The following SUMF1 variants were observed in gnomAD, a reference collection of about 807,000 sequenced individuals.
SUMF1 encodes formylglycine-generating enzyme.
Under a neutral mutation model 47.6 loss-of-function variants are expected in SUMF1, and 48 were observed. The observed-to-expected ratio is 1.01, with a 90% confidence interval of 0.80 to 1.28. SUMF1 has a LOEUF of 1.28. SUMF1 is among the 50% of genes most tolerant of loss of function. The pLI is 0.00. For synonymous variants in SUMF1, 230 were observed against 192.1 expected, an observed-to-expected ratio of 1.20 and a Z score of -1.63; for missense variants, 571 against 485.4, an observed-to-expected ratio of 1.18 and a Z score of -1.66.
chr3:4,286,627 A>T (rs935603061), intron 8 of SUMF1, among the ~76,000 whole-genome samples: 4 of 152,318 alleles, frequency 2.6e-5, no homozygotes, highest in Admixed American at 6.5e-5. Context: ...GAGAAAATGC[A>T]ATCATTAATG....
chr3:4,413,703 C>T (rs900676789), intron 6 of SUMF1, among the ~76,000 whole-genome samples: 21 of 151,908 alleles, frequency 1.4e-4, no homozygotes, highest in African/African-American at 4.6e-4. Flanking sequence ...TCTTTAGTCT[C>T]ACTGTGGTCA....
At chr3:4,373,642 C>T (rs1464447844) in intron 8 of SUMF1, among the ~76,000 whole-genome samples, 1 of 141,340 alleles carries the variant, frequency 7.1e-6, no homozygotes, top group African/African-American at 2.6e-5. Flanking sequence ...AATAATAACA[C>T]TAATTCTACA....
rs1267895702 is a variant in SUMF1, at chr3:4,395,761, T to C, written c.954+15104A>G. On this transcript the variant is annotated intron_variant, in intron 7 of 8. Coordinates refer to ENST00000272902, the MANE Select transcript of SUMF1 (RefSeq NM_182760.4). Reference sequence around the variant, plus strand: ...TGCTTATACCACGGTGGCTCCTGATTTTCCAATAATATAAGTCACTTTCAG... The same window carrying C: ...TGCTTATACCACGGTGGCTCCTGATCTTCCAATAATATAAGTCACTTTCAG... Among the ~76,000 whole-genome samples, 18 of 151,644 alleles carry C rather than the reference T, an allele frequency of 1.2e-4. No individual in the cohort carries two copies. The East Asian group carries it at 3.3e-3, about 28-fold the overall frequency.
chr3:4,350,944 G>GAA lies in SUMF1; in HGVS notation c.1014+25384_1014+25385dup, dbSNP rs201910548. ...AGAGATCATTTGTACAACAAAAAAA[G>GAA]AAAAAAAAAAATCAAACCAATACAA... is the stretch of plus-strand genomic sequence containing the variant. On this transcript the variant is annotated intron_variant and NMD_transcript_variant, in intron 8 of 12. Transcript: ENST00000448413. 1.3e-3 allele frequency among the ~76,000 whole-genome samples: 185 copies of GAA among 143,876 alleles called. 3 individuals carry two copies. The South Asian group carries it at 0.037, about 29-fold the overall frequency. The allele number at this position is 143,876 out of a possible 152,430, so 94.4% of individuals were successfully genotyped here.
chr3:4,132,145 A>G (rs1480989814), intron 8 of SUMF1, among the ~76,000 whole-genome samples: 1 of 152,144 alleles, frequency 6.6e-6, no homozygotes, highest in Admixed American at 6.6e-5. Context: ...TACTCCGGAT[A>G]TAGATATGAG....
intron 8 of SUMF1, among the ~76,000 whole-genome samples, chr3:4,073,753 T>C (rs1156391172): frequency 6.6e-6 from 1 of 152,152 alleles, no homozygotes; most frequent in Admixed American, 6.5e-5. Flanking sequence ...GGCCATTATA[T>C]AATGGTAAAG....
Position 4,125,754 on chromosome 3 carries a change from G to A in SUMF1, c.1015-57009C>T, listed in dbSNP as rs112067368. ...CGGTGGCATGCTCACGGCTCACTGCGGCCTTGACTTCCTGGGCTCAAGCAA... is the reference window on the plus strand; with the variant it reads ...CGGTGGCATGCTCACGGCTCACTGCAGCCTTGACTTCCTGGGCTCAAGCAA... On this transcript the variant is annotated intron_variant and NMD_transcript_variant, in intron 8 of 12. Transcript: ENST00000448413. Among the ~76,000 whole-genome samples, 16 of 152,202 alleles carry A rather than the reference G, an allele frequency of 1.1e-4. 2 individuals carry two copies. The highest frequency in any genetic ancestry group is 3.4e-4 in the African/African-American group (14 of 41,518).
intron 8 of SUMF1, among the ~76,000 whole-genome samples, chr3:4,206,056 T>G (rs1410136900): frequency 6.6e-6 from 1 of 152,020 alleles, no homozygotes; most frequent in African/African-American, 2.4e-5. Context: ...AGAACTGTCA[T>G]CTAGGAACTA....
intron 7 of SUMF1, among the ~76,000 whole-genome samples, chr3:4,391,364 C>A (rs1266163067): frequency 6.6e-6 from 1 of 151,944 alleles, no homozygotes; most frequent in Non-Finnish European, 1.5e-5. Flanking sequence ...AATTTTTGTC[C>A]CTTTTGCTCC....
intron 9 of SUMF1, among the ~76,000 whole-genome samples, chr3:4,035,379 A>G (rs1006636878): frequency 6.6e-6 from 1 of 151,988 alleles, no homozygotes; most frequent in African/African-American, 2.4e-5. Context: ...TGGCTCTATC[A>G]CTTCTACCTC....
At chr3:4,178,183 T>C (rs912975346) in intron 8 of SUMF1, among the ~76,000 whole-genome samples, 3 of 152,168 alleles carry the variant, frequency 2.0e-5, no homozygotes, top group African/African-American at 7.2e-5. Flanking sequence ...CCTCCCTAAC[T>C]CATTTGATGA....
intron 8 of SUMF1, among the ~76,000 whole-genome samples, chr3:4,079,098 A>G (rs1215996886): frequency 6.6e-6 from 1 of 152,072 alleles, no homozygotes; most frequent in Non-Finnish European, 1.5e-5. Flanking sequence ...ACAGTCCCTG[A>G]TGAGCAATTT....
At chr3:4,300,817 A>G (rs888734516) in intron 8 of SUMF1, among the ~76,000 whole-genome samples, 8 of 152,162 alleles carry the variant, frequency 5.3e-5, no homozygotes, top group Non-Finnish European at 1.2e-4. Flanking sequence ...AAAGACACCA[A>G]AACTGGAACT....
intron 1 of SUMF1, among the ~76,000 whole-genome samples, chr3:4,456,659 TATATATATATATAC>T: frequency 7.1e-6 from 1 of 140,622 alleles, no homozygotes; most frequent in African/African-American, 2.7e-5. Context: ...TATGTGTGTG[TATATATATATATAC>T]GTGTATATAT....
At chr3:4,216,347 A>G (rs1695923526) in intron 8 of SUMF1, among the ~76,000 whole-genome samples, 1 of 152,106 alleles carries the variant, frequency 6.6e-6, no homozygotes, top group Admixed American at 6.6e-5. Flanking sequence ...TATGCAATAA[A>G]CTGAAACTGG....
chr3:4,240,210 G>A (rs1157391921), intron 8 of SUMF1, among the ~76,000 whole-genome samples: 1 of 152,142 alleles, frequency 6.6e-6, no homozygotes, highest in East Asian at 1.9e-4. Context: ...GTTCATCAGG[G>A]ATATTGTCCT....
chr3:4,125,700 G>A lies in SUMF1; in HGVS notation c.1015-56955C>T, dbSNP rs563576707. ...ATTATTTGTTTATTTTTAGAGACAG[G>A]ATCTTACTCTGCCACCCAGGCTAGA... On this transcript the variant is annotated intron_variant and NMD_transcript_variant, in intron 8 of 12. Transcript: ENST00000448413. 6.6e-5 allele frequency among the ~76,000 whole-genome samples: 10 copies of A among 152,242 alleles called. No individual in the cohort carries two copies. The East Asian group carries it at 1.4e-3, about 21-fold the overall frequency.
At chr3:4,447,023 G>A (rs901890601) in intron 3 of SUMF1, among the ~76,000 whole-genome samples, 1 of 152,144 alleles carries the variant, frequency 6.6e-6, no homozygotes, top group Non-Finnish European at 1.5e-5. Flanking sequence ...ACAGAGAGGG[G>A]TGATGATTAG....
intron 7 of SUMF1, among the ~76,000 whole-genome samples, chr3:4,376,771 C>G (rs1024115707): frequency 7.2e-5 from 11 of 152,150 alleles, no homozygotes; most frequent in Admixed American, 1.3e-4. Context: ...ACTGGCAAGC[C>G]TCTTTGAATT....
Sources: gnomAD v4.1 joint callset for allele counts (sites outside exome capture counted in the v4.1 genomes callset) on GRCh38, gnomAD v4.1.1 for gene constraint, MANE v1.5 for transcripts, NCBI Gene and HGNC (gene_info 2026-07-23, HGNC 2026-07-21) for gene names.